TACC1: variants seen among roughly 807,000 people sequenced by gnomAD.
TACC1 encodes the protein transforming acidic coiled-coil-containing protein 1.
Under a neutral mutation model 84.4 loss-of-function variants are expected in TACC1, and 48 were observed. The ratio of observed to expected loss-of-function variants is 0.57; its 90% confidence interval spans 0.45 to 0.72. TACC1 has a LOEUF of 0.72. Ranked by LOEUF, TACC1 falls within the 30% of genes least tolerant of loss-of-function variation. TACC1 has a pLI of 0.00. For synonymous variants in TACC1, 372 were observed against 376.3 expected (o/e 0.99, Z 0.13); for missense variants, 920 against 973.0 (o/e 0.95, Z 0.72).
intron 11 of TACC1, among the ~76,000 whole-genome samples, chr8:38,844,693 T>C (rs2152331008): frequency 6.6e-6 from 1 of 152,330 alleles, no homozygotes; most frequent in African/African-American, 2.4e-5. Flanking sequence ...TCATTTGTCT[T>C]TTGCGTCCAC....
rs34949433 is a variant in TACC1, at chr8:38,822,266, A to AG, written c.1391+1631_1391+1632insG. Reference sequence around the variant, plus strand: ...TCTTTAAAAAAAAAAAAAAAAAAAAACTACTATAGGCAGTGTAACACAATG... The same window carrying AG: ...TCTTTAAAAAAAAAAAAAAAAAAAAAGCTACTATAGGCAGTGTAACACAATG... On this transcript the variant is annotated intron_variant, in intron 3 of 12. Transcript: ENST00000317827. 9.3e-4 allele frequency among the ~76,000 whole-genome samples: 137 copies of AG among 147,894 alleles called. 1 individual carries two copies. Among genetic ancestry groups the AG allele is most frequent in the East Asian group, 2.0e-3 (10 of 5,032 alleles).
intron 3 of TACC1, among the ~76,000 whole-genome samples, chr8:38,765,093 C>T (rs115295147): frequency 0.032 from 4,851 of 150,400 alleles, 263 homozygotes; most frequent in African/African-American, 0.11. Flanking sequence ...AGTGAAACTC[C>T]GTCTCAAAAA....
At chr8:38,825,515 T>G (rs978722835) in intron 4 of TACC1, 147 bp downstream of exon 4, 36 of 739,182 alleles carry the variant, frequency 4.9e-5, no homozygotes, top group Non-Finnish European at 7.9e-5. Flanking sequence ...ATCCTTACTG[T>G]CCCTGAAGAG....
chr8:38,808,094 A>ATC (rs1173357331), intron 2 of TACC1, among the ~76,000 whole-genome samples: 1 of 152,186 alleles, frequency 6.6e-6, no homozygotes, highest in Admixed American at 6.5e-5. Context: ...TACTGATCTA[A>ATC]TCTCTGTCTG....
chr8:38,744,030 A>G (rs1232686424), intron 2 of TACC1: 3 of 152,182 alleles, frequency 2.0e-5, no homozygotes, highest in Admixed American at 6.6e-5. Flanking sequence ...GACTGGTCCG[A>G]AGGTAGTGAG....
intron 1 of TACC1, among the ~76,000 whole-genome samples, chr8:38,734,629 A>T (rs1191573074): frequency 2.0e-5 from 3 of 151,954 alleles, no homozygotes; most frequent in African/African-American, 7.3e-5. Context: ...GCAACAAAGG[A>T]CTCTCCTGGC....
intron 3 of TACC1, among the ~76,000 whole-genome samples, chr8:38,771,623 G>A (rs543828312): frequency 1.1e-4 from 16 of 152,206 alleles, no homozygotes; most frequent in Non-Finnish European, 2.2e-4. Context: ...ACATAAGTGC[G>A]CATGGGTGTC....
chr8:38,843,613 G>T, intron 11 of TACC1: 1 of 319,408 alleles, frequency 3.1e-6, no homozygotes, highest in East Asian at 5.0e-5. Context: ...CTCTATGCCA[G>T]GTAATCACCA....
Position 38,827,262 on chromosome 8 carries a change from A to G in TACC1, c.1547A>G (p.Gln516Arg). 1 of 1,614,228 alleles carries G rather than the reference A, an allele frequency of 6.2e-7. No individual in the cohort carries two copies. Among genetic ancestry groups the G allele is most frequent in the Non-Finnish European group, 8.5e-7 (1 of 1,180,040 alleles). ...EEKLASTSCG[Q>R]KSAGAEVKGE... The stretch of plus-strand genomic sequence containing the variant: ...AAACTGGCATCCACGTCATGTGGTC[A>G]GAAATCAGCTGGTGCCGAGGTGAAA... Residue 516 changes from glutamine to arginine, a missense_variant, in exon 5 of 13, where the codon CAG becomes CGG. Gln to Arg is a conservative substitution (Grantham distance 43, BLOSUM62 1). This residue lies in a region of TACC1 where 762 missense variants were observed against 747.3 expected (regional missense o/e 1.02). Transcript: ENST00000317827.
Position 38,820,154 on chromosome 8 carries a change from G to A in TACC1, c.910G>A (p.Asp304Asn). ...TPGTLSSDTN[D>N]SGVELGEESR... is the part of the protein sequence containing the mutation. ...CGGCACTCTCAGTAGTGACACCAACGACTCAGGGGTTGAGCTGGGGGAGGA... is the reference window on the plus strand; with the variant it reads ...CGGCACTCTCAGTAGTGACACCAACAACTCAGGGGTTGAGCTGGGGGAGGA... The change falls in exon 3 of 13, where the codon GAC (aspartate) becomes AAC (asparagine). Residue 304 changes from aspartate to asparagine, a missense_variant. By Grantham distance (23) the Asp-to-Asn change is conservative (BLOSUM62 1). Coordinates refer to ENST00000317827, the MANE Select transcript of TACC1 (RefSeq NM_006283.3). The A allele has an allele frequency of 5.6e-6, 9 of 1,614,116 alleles. No individual in the cohort carries two copies. The highest frequency in any genetic ancestry group is 6.8e-6 in the Non-Finnish European group (8 of 1,180,026).
Position 38,827,261 on chromosome 8 carries a change from C to G in TACC1, c.1546C>G (p.Gln516Glu). Residue 516 changes from glutamine to glutamate, a missense_variant, in exon 5 of 13, where the codon CAG becomes GAG. By Grantham distance (29) the Gln-to-Glu change is conservative. Coordinates refer to ENST00000317827, the MANE Select transcript of TACC1 (RefSeq NM_006283.3). Reference protein sequence around the residue: ...EEKLASTSCGQKSAGAEVKGE... With the variant: ...EEKLASTSCGEKSAGAEVKGE... ...GAAACTGGCATCCACGTCATGTGGT[C>G]AGAAATCAGCTGGTGCCGAGGTGAA... 3.1e-6 allele frequency: 5 copies of G among 1,614,138 alleles called. No individual in the cohort carries two copies. Among genetic ancestry groups the G allele is most frequent in the Non-Finnish European group, 4.2e-6 (5 of 1,180,026 alleles).
Position 38,823,330 on chromosome 8 carries a change from T to G in TACC1, c.1392-1978T>G, listed in dbSNP as rs1045484054. Among the ~76,000 whole-genome samples the G allele has an allele frequency of 2.0e-5, 3 of 152,202 alleles. No individual in the cohort carries two copies. The South Asian group carries it at 6.2e-4, about 32-fold the overall frequency. The stretch of plus-strand genomic sequence containing the variant: ...TTGATTGGGTGCCCTCTTTTGTGGC[T>G]TTTAAGGTTGGTTACTCCTCTCTAG... On this transcript the variant is annotated intron_variant, in intron 3 of 12. Coordinates refer to ENST00000317827, the MANE Select transcript of TACC1 (RefSeq NM_006283.3).
In TACC1 at chr8:38,848,878, G is replaced by GAAC. The variant is rs1187571895; in HGVS notation, c.*855_*856insAAC. 2.0e-5 allele frequency: 3 copies of GAAC among 152,124 alleles called. No individual in the cohort carries two copies. Among genetic ancestry groups the GAAC allele is most frequent in the Non-Finnish European group, 4.4e-5 (3 of 68,032 alleles). The allele number at this position is 152,124 out of a possible 1,614,324, so 9.4% of individuals were successfully genotyped here. ...GCAATATGGGACTCCCTCCAAGCTA[G>GAAC]GGTTTGGCAAGTCTGCCCTAGAGTC... On this transcript the variant is annotated 3_prime_UTR_variant, in exon 13 of 13. Coordinates refer to ENST00000317827, the MANE Select transcript of TACC1 (RefSeq NM_006283.3).
At chr8:38,833,347 G>T (rs544893578) in intron 6 of TACC1, among the ~76,000 whole-genome samples, 1 of 152,314 alleles carries the variant, frequency 6.6e-6, no homozygotes, top group East Asian at 1.9e-4. Context: ...GAAATGTTCT[G>T]CACTTTTTGA....
chr8:38,820,761 T>C, intron 3 of TACC1, 126 bp downstream of exon 3: 1 of 1,326,548 alleles, frequency 7.5e-7, no homozygotes, highest in Admixed American at 2.3e-5. Context: ...ACAAAGCTTA[T>C]AATGTTATCC....
At chr8:38,818,274 G>T (rs991451582) in intron 2 of TACC1, among the ~76,000 whole-genome samples, 8 of 152,088 alleles carry the variant, frequency 5.3e-5, no homozygotes, top group Admixed American at 2.0e-4. Context: ...TATTCCAGTG[G>T]TACTTGACTC....
At chr8:38,827,472 G>T in intron 5 of TACC1, 97 bp downstream of exon 5, 1 of 1,286,384 alleles carries the variant, frequency 7.8e-7, no homozygotes. Flanking sequence ...TTAAAGAATT[G>T]GGTCACTTGA....
intron 3 of TACC1, among the ~76,000 whole-genome samples, chr8:38,773,937 T>G (rs1814248836): frequency 6.6e-6 from 1 of 152,250 alleles, no homozygotes; most frequent in South Asian, 2.1e-4. Context: ...TTCTTTGAAC[T>G]GCCTATGTAG....
At chr8:38,804,674 C>T (rs1014290337) in intron 2 of TACC1, among the ~76,000 whole-genome samples, 1 of 152,146 alleles carries the variant, frequency 6.6e-6, no homozygotes, top group African/African-American at 2.4e-5. Context: ...ACTATCACAG[C>T]TCACTGCAAC....
Sources: allele counts gnomAD v4.1 joint callset (sites outside exome capture counted in the v4.1 genomes callset), GRCh38; gene constraint gnomAD v4.1.1; regional missense constraint gnomAD v4.1.1; transcripts MANE v1.5; gene names NCBI Gene and HGNC (gene_info 2026-07-23, HGNC 2026-07-21).